NDRG3: variants seen among roughly 807,000 people sequenced by gnomAD.
The protein encoded by NDRG3 is NDRG family member 3.
Under a neutral mutation model 57.2 loss-of-function variants are expected in NDRG3, and 23 were observed. That is an observed-to-expected ratio of 0.40 (90% CI 0.29 to 0.57). The LOEUF (loss-of-function observed/expected upper bound fraction) is 0.57. NDRG3 is among the 20% of genes least tolerant of loss of function. The pLI is 0.42. For missense variants in NDRG3, 384 were observed against 457.3 expected, an observed-to-expected ratio of 0.84 and a Z score of 1.46; for synonymous variants, 132 against 162.6, an observed-to-expected ratio of 0.81 and a Z score of 1.43.
chr20:36,743,590 G>A (rs953444062), intron 1 of NDRG3, among the ~76,000 whole-genome samples: 3 of 151,782 alleles, frequency 2.0e-5, no homozygotes, highest in Non-Finnish European at 4.4e-5. Context: ...CGAGGCAGGC[G>A]GATCACGAGG....
intron 1 of NDRG3, among the ~76,000 whole-genome samples, chr20:36,725,807 A>C (rs960135519): frequency 1.4e-4 from 21 of 152,090 alleles, no homozygotes; most frequent in African/African-American, 5.1e-4. Context: ...ACTGGAAAGC[A>C]ATGCACTTCA....
chr20:36,660,568 A>T (rs6028627), intron 12 of NDRG3, among the ~76,000 whole-genome samples, 184 bp from the exon 13 acceptor site: 32,996 of 144,326 alleles, frequency 0.23, 4,316 homozygotes, highest in African/African-American at 0.38. Context: ...TTATTTATTT[A>T]TTTTTTTTTT....
intron 13 of NDRG3, among the ~76,000 whole-genome samples, chr20:36,658,360 G>C (rs899706526): frequency 6.6e-6 from 1 of 152,080 alleles, no homozygotes; most frequent in African/African-American, 2.4e-5. Flanking sequence ...TTGAACTCCT[G>C]GCCTCAGCTT....
chr20:36,725,280 G>T (rs968222536), intron 1 of NDRG3, among the ~76,000 whole-genome samples: 13 of 151,480 alleles, frequency 8.6e-5, no homozygotes, highest in African/African-American at 3.2e-4. Flanking sequence ...CTGGGCGACA[G>T]AGTGAGACCC....
rs770337001 is a variant in NDRG3 at position 36,705,947 on chromosome 20, G to A, written c.93+1025C>T. On this transcript the variant is annotated intron_variant, in intron 3 of 15. Transcript: ENST00000349004. ...TTTAGTAGAGATGGGGTTTCACTGC[G>A]TTGGCCAGGCTGGTCTTGAACACTT... Among the ~76,000 whole-genome samples the A allele has an allele frequency of 5.0e-4, 76 of 152,158 alleles. 1 individual carries two copies. The highest frequency in any genetic ancestry group is 7.5e-4 in the Non-Finnish European group (51 of 68,022).
At chr20:36,677,497 T>C (rs1200489905) in intron 8 of NDRG3, among the ~76,000 whole-genome samples, 1 of 151,952 alleles carries the variant, frequency 6.6e-6, no homozygotes, top group Admixed American at 6.6e-5. Flanking sequence ...CAGCGCAGGG[T>C]AGAGGATGGC....
chr20:36,708,342 T>A (rs1983666678), intron 2 of NDRG3, among the ~76,000 whole-genome samples: 1 of 152,126 alleles, frequency 6.6e-6, no homozygotes, highest in Non-Finnish European at 1.5e-5. Context: ...CCCTTCAAGA[T>A]GATCCTCCTA....
chr20:36,726,563 C>T (rs1400929296), intron 1 of NDRG3, among the ~76,000 whole-genome samples: 1 of 152,208 alleles, frequency 6.6e-6, no homozygotes, highest in Non-Finnish European at 1.5e-5. Flanking sequence ...GATCCCTCAG[C>T]TGCACAGACG....
intron 1 of NDRG3, among the ~76,000 whole-genome samples, chr20:36,744,059 C>T (rs935095150): frequency 7.9e-5 from 12 of 151,650 alleles, no homozygotes; most frequent in African/African-American, 2.9e-4. Flanking sequence ...CACCACCACA[C>T]GCGGCTAATT....
intron 2 of NDRG3, among the ~76,000 whole-genome samples, chr20:36,715,067 A>G (rs148461825): frequency 0.013 from 1,688 of 133,366 alleles, 47 homozygotes; most frequent in African/African-American, 0.044. Flanking sequence ...ATATTTAAGT[A>G]TCTATAGCAA....
chr20:36,654,618 C>T (rs780877769), intron 15 of NDRG3, among the ~76,000 whole-genome samples: 2 of 152,224 alleles, frequency 1.3e-5, no homozygotes, highest in Non-Finnish European at 2.9e-5. Context: ...CTGCCCCTTA[C>T]AACCAGATCC....
chr20:36,728,468 G>A (rs949950894), intron 1 of NDRG3, among the ~76,000 whole-genome samples: 3 of 152,144 alleles, frequency 2.0e-5, no homozygotes, highest in East Asian at 3.9e-4. Flanking sequence ...AAGGACAGAT[G>A]GATAGACAGA....
rs1978412578 is a variant in NDRG3 at position 36,653,708 on chromosome 20, C to G, written c.947-7G>C. On this transcript the variant is annotated splice_polypyrimidine_tract_variant and splice_region_variant and intron_variant, in intron 15 of 15. Coordinates refer to ENST00000349004, the MANE Select transcript of NDRG3 (RefSeq NM_032013.4). This position sits in a 1 kb window ranked among gnomAD's most constrained non-coding sequence, Gnocchi z 4.2. ...GTCATGCTGGCAGATGGTACTGTAA[C>G]AGAGAACCAAGGGGACTAGAAGATG... The G allele has an allele frequency of 1.2e-6, 2 of 1,611,630 alleles. No individual in the cohort carries two copies. The highest frequency in any genetic ancestry group is 1.7e-6 in the Non-Finnish European group (2 of 1,179,468).
chr20:36,654,658 C>A, intron 15 of NDRG3: 1 of 652,658 alleles, frequency 1.5e-6, no homozygotes. Context: ...CAGGGCTGGA[C>A]CTGTAGGCTA....
In NDRG3 at chr20:36,720,038, C is replaced by T. The variant is rs889233988; in HGVS notation, c.57+1641G>A. ...AGAAGAATCACTTGAAACCGGGAGG[C>T]GGAGCTTGCAGTGAGCCGAGATTGT... On this transcript the variant is annotated intron_variant, in intron 2 of 15. Coordinates refer to ENST00000349004, the MANE Select transcript of NDRG3 (RefSeq NM_032013.4). Among the ~76,000 whole-genome samples the T allele has an allele frequency of 7.6e-4, 113 of 149,012 alleles. 1 individual carries two copies. The highest frequency in any genetic ancestry group is 2.0e-4 in the Admixed American group (3 of 14,868).
chr20:36,700,583 C>A, intron 3 of NDRG3: 1 of 464,746 alleles, frequency 2.2e-6, no homozygotes, highest in South Asian at 1.7e-5. Flanking sequence ...CTGTTGCTAC[C>A]TTTTTGTCTT....
chr20:36,659,192 G>T (rs907474394), intron 13 of NDRG3, among the ~76,000 whole-genome samples: 1 of 151,894 alleles, frequency 6.6e-6, no homozygotes, highest in African/African-American at 2.4e-5. Flanking sequence ...CTCCCACCTC[G>T]GCCTTCCAAA....
At chr20:36,665,893 G>A (rs897980848) in intron 10 of NDRG3, among the ~76,000 whole-genome samples, 6 of 152,182 alleles carry the variant, frequency 3.9e-5, no homozygotes, top group Admixed American at 3.9e-4. Context: ...ACCACGCCCA[G>A]CCCTAAGTGT....
chr20:36,661,156 G>A (rs1182228898), intron 12 of NDRG3, among the ~76,000 whole-genome samples: 4 of 152,104 alleles, frequency 2.6e-5, no homozygotes, highest in African/African-American at 9.7e-5. Context: ...TAGTGGGTTT[G>A]CCATTCTTTA....
Sources: allele counts gnomAD v4.1 joint callset (sites outside exome capture counted in the v4.1 genomes callset), GRCh38; gene constraint gnomAD v4.1.1; non-coding constraint Gnocchi (gnomAD v3.1); transcripts MANE v1.5; gene names NCBI Gene and HGNC (gene_info 2026-07-23, HGNC 2026-07-21).